SOX5: variants seen among roughly 807,000 people sequenced by gnomAD.
The protein encoded by SOX5 is SRY-box transcription factor 5.
SOX5 carries 9 observed loss-of-function variants against 92.0 expected under a neutral mutation model. The observed-to-expected ratio is 0.10, with a 90% CI of 0.06 to 0.17. SOX5 has a LOEUF of 0.17. Ranked by LOEUF, SOX5 falls within the 10% of genes least tolerant of loss-of-function variation. SOX5 has a pLI of 1.00. For missense variants in SOX5, 642 were observed against 944.5 expected (o/e 0.68, Z 4.20); for synonymous variants, 344 against 336.3 (o/e 1.02, Z -0.25).
intron 3 of SOX5, among the ~76,000 whole-genome samples, chr12:24,276,028 G>T (rs1944394614): frequency 6.6e-6 from 1 of 151,808 alleles, no homozygotes; most frequent in Non-Finnish European, 1.5e-5. Context: ...TCTTATAACT[G>T]CTCTTTACAT....
chr12:23,705,605 T>G (rs1441136022), intron 6 of SOX5, among the ~76,000 whole-genome samples: 1 of 152,062 alleles, frequency 6.6e-6, no homozygotes, highest in Non-Finnish European at 1.5e-5. Flanking sequence ...CTGCTCTTTT[T>G]GTATAAAGGC....
chr12:24,134,714 C>G (rs1222775418), intron 4 of SOX5, among the ~76,000 whole-genome samples: 1 of 152,072 alleles, frequency 6.6e-6, no homozygotes, highest in Non-Finnish European at 1.5e-5. Flanking sequence ...GAGAATTGAA[C>G]AAAAACACAG....
chr12:24,106,732 C>T (rs1216258898), intron 4 of SOX5, among the ~76,000 whole-genome samples: 5 of 150,778 alleles, frequency 3.3e-5, no homozygotes, highest in Admixed American at 6.6e-5. Flanking sequence ...GCGGAGGTTG[C>T]AGTGAGCCGA....
At position 24,255,103 on chromosome 12, in the gene SOX5, A is replaced by G. The variant is rs1467468723; in HGVS notation, c.-77+22113T>C. Among the ~76,000 whole-genome samples, 5 of 152,154 alleles carry G rather than the reference A, an allele frequency of 3.3e-5. No homozygotes were observed. The East Asian group carries it at 5.8e-4, about 18-fold the overall frequency. ...TCAAGGGTAGATAATAGCCTAAATCAGTATTTCTCCAGTTTTTTCACTAGC... is the reference window on the plus strand; with the variant it reads ...TCAAGGGTAGATAATAGCCTAAATCGGTATTTCTCCAGTTTTTTCACTAGC... On this transcript the variant is annotated intron_variant, in intron 3 of 4. Coordinates refer to the SOX5 transcript ENST00000446891.
intron 1 of SOX5, among the ~76,000 whole-genome samples, chr12:23,909,029 T>C (rs1385052382): frequency 6.6e-6 from 1 of 151,180 alleles, no homozygotes; most frequent in Admixed American, 6.6e-5. Flanking sequence ...AAGTTAGGAA[T>C]GCTAACCCCC....
At chr12:23,751,313 C>T (rs142526575) in intron 4 of SOX5, among the ~76,000 whole-genome samples, 4 of 151,792 alleles carry the variant, frequency 2.6e-5, no homozygotes, top group Non-Finnish European at 2.9e-5. Context: ...GATTACTATT[C>T]GTAAACCACA....
At chr12:23,668,409 T>C (rs1238968172) in intron 6 of SOX5, among the ~76,000 whole-genome samples, 3 of 152,188 alleles carry the variant, frequency 2.0e-5, no homozygotes, top group Non-Finnish European at 2.9e-5. Context: ...GAGCAGTGAC[T>C]GTATTATTCC....
At chr12:24,240,845 T>A (rs1260904033) in intron 3 of SOX5, among the ~76,000 whole-genome samples, 4 of 152,206 alleles carry the variant, frequency 2.6e-5, no homozygotes, top group African/African-American at 9.6e-5. Flanking sequence ...CCATACCAAT[T>A]AATATGCAGT....
At chr12:24,354,059 C>T (rs568973549) in intron 2 of SOX5, among the ~76,000 whole-genome samples, 1 of 152,256 alleles carries the variant, frequency 6.6e-6, no homozygotes, top group South Asian at 2.1e-4. Flanking sequence ...GTTTATAAGT[C>T]TTATAGATTA....
intron 6 of SOX5, among the ~76,000 whole-genome samples, chr12:23,704,687 C>CATATATAT (rs376550773): frequency 0.16 from 13,986 of 89,504 alleles, 1,457 homozygotes; most frequent in Non-Finnish European, 0.2. Context: ...TATATGCATG[C>CATATATAT]ATATATATAT....
chr12:23,780,812 T>A (rs2095262397), intron 3 of SOX5, among the ~76,000 whole-genome samples: 1 of 152,072 alleles, frequency 6.6e-6, no homozygotes, highest in Non-Finnish European at 1.5e-5. Context: ...TGTAAAATAC[T>A]AAGAATGGTA....
chr12:24,111,600 A>G (rs866915705), intron 4 of SOX5, among the ~76,000 whole-genome samples: 2 of 152,206 alleles, frequency 1.3e-5, no homozygotes, highest in Non-Finnish European at 2.9e-5. Flanking sequence ...AGTAATTCAC[A>G]TTGTAGGCTG....
chr12:24,300,263 G>C (rs562846931), intron 2 of SOX5, among the ~76,000 whole-genome samples: 1 of 152,282 alleles, frequency 6.6e-6, no homozygotes, highest in East Asian at 1.9e-4. Flanking sequence ...ATAGGAAAGG[G>C]AGACCCTACA....
chr12:24,498,987 A>T (rs967352980), intron 1 of SOX5, among the ~76,000 whole-genome samples: 1 of 152,148 alleles, frequency 6.6e-6, no homozygotes, highest in Non-Finnish European at 1.5e-5. Flanking sequence ...TTTGCATTCA[A>T]GTGATGGTGT....
intron 1 of SOX5, chr12:23,920,015 T>C (rs1157156839): frequency 6.6e-6 from 1 of 152,154 alleles, no homozygotes; most frequent in African/African-American, 2.4e-5. Context: ...ATTAGTAGAC[T>C]CTGTTATATA....
chr12:24,157,478 C>T (rs1039111501), intron 4 of SOX5, among the ~76,000 whole-genome samples: 4 of 152,066 alleles, frequency 2.6e-5, no homozygotes, highest in Non-Finnish European at 5.9e-5. Flanking sequence ...CTTTCAATGT[C>T]AACAGGTATA....
At chr12:24,348,764 G>A (rs1412328359) in intron 2 of SOX5, among the ~76,000 whole-genome samples, 1 of 152,140 alleles carries the variant, frequency 6.6e-6, no homozygotes, top group Non-Finnish European at 1.5e-5. Context: ...ATCCCCATGT[G>A]TCATGGGAGG....
At chr12:24,533,433 C>T (rs1597686605) in intron 1 of SOX5, among the ~76,000 whole-genome samples, 1 of 152,126 alleles carries the variant, frequency 6.6e-6, no homozygotes, top group African/African-American at 2.4e-5. Context: ...AGGAAACATG[C>T]TTTTCCTAAT....
chr12:24,039,329 C>A (rs1021103655), intron 4 of SOX5, among the ~76,000 whole-genome samples: 10 of 152,056 alleles, frequency 6.6e-5, no homozygotes, highest in African/African-American at 2.4e-4. Context: ...CTAAAACAAG[C>A]CAAAACAAAC....
Sources: gnomAD v4.1 joint callset for allele counts (sites outside exome capture counted in the v4.1 genomes callset) on GRCh38, gnomAD v4.1.1 for gene constraint, MANE v1.5 for transcripts, NCBI Gene and HGNC (gene_info 2026-07-23, HGNC 2026-07-21) for gene names.